Variants in SYNE2 observed in about 807,000 individuals in gnomAD.
The protein encoded by SYNE2 is spectrin repeat containing nuclear envelope protein 2, also known as nesprin-2.
Under a neutral mutation model 856.3 loss-of-function variants are expected in SYNE2, and 431 were observed. The ratio of observed to expected loss-of-function variants is 0.50; its 90% CI spans 0.47 to 0.55. SYNE2 has a LOEUF of 0.55. Ranked by LOEUF, SYNE2 falls within the 20% of genes least tolerant of loss-of-function variation. SYNE2 has a pLI of 0.00. For missense variants in SYNE2, 8,129 were observed against 8,023.2 expected, an observed-to-expected ratio of 1.01 and a Z score of -0.50; for synonymous variants, 2,923 against 2,872.3, an observed-to-expected ratio of 1.02 and a Z score of -0.56.
At chr14:63,936,798 G>A (rs1015491725) in intron 2 of SYNE2, among the ~76,000 whole-genome samples, 1 of 152,196 alleles carries the variant, frequency 6.6e-6, no homozygotes, top group African/African-American at 2.4e-5. Flanking sequence ...GGGCAAAGCT[G>A]GAGGGAAGAT....
At chr14:64,007,270 C>A in intron 31 of SYNE2, 48 bp downstream of exon 31, 1 of 1,566,910 alleles carries the variant, frequency 6.4e-7, no homozygotes, top group Non-Finnish European at 8.8e-7. Context: ...TTGTCTGTAG[C>A]ACAATTAACT....
intron 61 of SYNE2, among the ~76,000 whole-genome samples, chr14:64,095,349 T>C (rs1229134356): frequency 6.6e-6 from 1 of 152,218 alleles, no homozygotes; most frequent in African/African-American, 2.4e-5. Flanking sequence ...CCCATGTCAA[T>C]GAACTTTATA....
At chr14:64,160,389 G>T (rs771938637) in intron 87 of SYNE2, among the ~76,000 whole-genome samples, 3 of 152,178 alleles carry the variant, frequency 2.0e-5, no homozygotes, top group Non-Finnish European at 4.4e-5. Context: ...ACACTAAAAT[G>T]CTAATAGTAG....
chr14:64,025,029 G>A lies in SYNE2; in HGVS notation c.5958G>A (p.Lys1986=), dbSNP rs747338096. 2.5e-5 allele frequency: 41 copies of A among 1,613,964 alleles called. No individual in the cohort carries two copies. The Admixed American group carries it at 5.8e-4, about 23-fold the overall frequency. ...TELFCQALAR[K]REQFESVAQL... is the part of the protein sequence containing the mutation. ...TGTTCTGCCAAGCTTTAGCTAGAAA[G>A]AGGTATAGCTGATCTTGTATGAAAT... Residue 1986 remains lysine (K), a splice_region_variant and synonymous_variant, in exon 40 of 116, where the codon AAG becomes AAA. Coordinates refer to ENST00000555002, the MANE Select transcript of SYNE2 (RefSeq NM_182914.3).
In SYNE2 at chr14:64,189,650, T is replaced by C. The variant is rs530188841; in HGVS notation, c.17872-421T>C. On this transcript the variant is annotated intron_variant, in intron 98 of 115. Transcript: ENST00000555002. ...TTTGCCTGATGCGCGTTGCCTGACTTTTTAGCTGCTCACTGAAAAGTTAGC... is the reference window on the plus strand; with the variant it reads ...TTTGCCTGATGCGCGTTGCCTGACTCTTTAGCTGCTCACTGAAAAGTTAGC... Among the ~76,000 whole-genome samples the C allele has an allele frequency of 5.3e-5, 8 of 152,320 alleles. No homozygotes were observed. In the East Asian group the frequency reaches 1.5e-3, roughly 29 times the overall value.
In SYNE2 at chr14:63,785,075, A is replaced by G. The variant is rs1439011304; in HGVS notation, c.-305+23089A>G. On this transcript the variant is annotated intron_variant, in intron 1 of 23. Coordinates refer to the SYNE2 transcript ENST00000674003. ...CCCTCTTGTATTGATAAGTCCCACT[A>G]TTCACTATTCCTCAAATGTTTTATT... is the stretch of plus-strand genomic sequence containing the variant. Among the ~76,000 whole-genome samples the G allele has an allele frequency of 2.6e-5, 4 of 152,286 alleles. No homozygotes were observed. In the East Asian group the frequency reaches 5.8e-4, roughly 22 times the overall value.
At chr14:64,181,216 C>G (rs1459428334) in intron 96 of SYNE2, among the ~76,000 whole-genome samples, 3 of 152,086 alleles carry the variant, frequency 2.0e-5, no homozygotes, top group Non-Finnish European at 4.4e-5. Context: ...TCTAACATTT[C>G]ACTGTTAAAT....
chr14:64,140,123 T>C lies in SYNE2; in HGVS notation c.14976+50T>C, dbSNP rs1361450920. On this transcript the variant is annotated intron_variant, in intron 80 of 115. Transcript: ENST00000555002. ...GTTAATTACTGGTCAGAAATAAATA[T>C]CAAGGAAAAAGCATCAGGGTTGATG... The C allele has an allele frequency of 1.3e-5, 20 of 1,572,146 alleles. No individual in the cohort carries two copies. The Admixed American group carries it at 3.2e-4, about 25-fold the overall frequency.
chr14:64,182,611 C>G (rs1027329728), intron 96 of SYNE2, among the ~76,000 whole-genome samples: 1 of 152,138 alleles, frequency 6.6e-6, no homozygotes, highest in East Asian at 1.9e-4. Flanking sequence ...ATGCTGCCTT[C>G]AAGCATCTGT....
intron 1 of SYNE2, among the ~76,000 whole-genome samples, chr14:63,799,074 G>A (rs1888033042): frequency 6.6e-6 from 1 of 152,140 alleles, no homozygotes; most frequent in Non-Finnish European, 1.5e-5. Context: ...GGACAAATGT[G>A]CTTTGTTTTG....
chr14:64,173,486 T>C (rs2098420287), intron 94 of SYNE2, among the ~76,000 whole-genome samples: 1 of 152,230 alleles, frequency 6.6e-6, no homozygotes, highest in Admixed American at 6.5e-5. Flanking sequence ...TTCTCAGAAA[T>C]GCCTTTGTAA....
At chr14:63,762,592 TTTC>T (rs200127520) in intron 1 of SYNE2, among the ~76,000 whole-genome samples, 69,150 of 114,042 alleles carry the variant, frequency 0.61, 19,805 homozygotes, top group South Asian at 0.7. Flanking sequence ...TAATTTTTTC[TTTC>T]TTTTTTTTTT....
rs139211942 is a variant in SYNE2 at position 63,773,024 on chromosome 14, C to T, written c.-305+11038C>T. 2.2e-3 allele frequency among the ~76,000 whole-genome samples: 327 copies of T among 152,038 alleles called. 3 individuals are homozygous for T. Among genetic ancestry groups the T allele is most frequent in the East Asian group, 0.021 (107 of 5,116 alleles). On this transcript the variant is annotated intron_variant, in intron 1 of 23. Coordinates refer to the SYNE2 transcript ENST00000674003. ...AACTCCTGACCTCAGATGATCTGCA[C>T]GCCTCGGCCTCCGAAAGTGCTGGGA...
At chr14:63,915,710 C>T (rs1205332639) in intron 2 of SYNE2, among the ~76,000 whole-genome samples, 2 of 152,028 alleles carry the variant, frequency 1.3e-5, no homozygotes, top group African/African-American at 2.4e-5. Flanking sequence ...GTCTAGATGA[C>T]ATATTTTAAA....
At chr14:64,156,243 T>C (rs1239358878) in intron 85 of SYNE2, among the ~76,000 whole-genome samples, 1 of 152,170 alleles carries the variant, frequency 6.6e-6, no homozygotes, top group Non-Finnish European at 1.5e-5. Context: ...GTGCTAGAAG[T>C]TCCACCACCT....
chr14:64,097,135 A>G (rs1183626067), intron 61 of SYNE2, among the ~76,000 whole-genome samples: 2 of 152,186 alleles, frequency 1.3e-5, no homozygotes, highest in Non-Finnish European at 2.9e-5. Context: ...GCATCTGCAT[A>G]TCTGCCATGA....
At chr14:64,212,771 T>G (rs1596264592) in intron 104 of SYNE2, 40 bp from the exon 105 acceptor site, 2 of 1,597,116 alleles carry the variant, frequency 1.3e-6, no homozygotes, top group Non-Finnish European at 1.7e-6. Flanking sequence ...AAGCTCAGGG[T>G]AACTTTCTTT....
chr14:64,107,701 C>A (rs1331093291), intron 65 of SYNE2, 94 bp downstream of exon 65: 7 of 984,370 alleles, frequency 7.1e-6, no homozygotes, highest in Non-Finnish European at 1.2e-5. Context: ...CCTTGTACGT[C>A]AAGCTAAGTG....
upstream of SYNE2, among the ~76,000 whole-genome samples, chr14:63,850,916 T>C (rs908386173): frequency 2.6e-5 from 4 of 152,016 alleles, no homozygotes; most frequent in Non-Finnish European, 4.4e-5. Flanking sequence ...AAGAAAGCAA[T>C]AGACATAGAA....
Sources: gnomAD v4.1 joint callset for allele counts (sites outside exome capture counted in the v4.1 genomes callset) on GRCh38, gnomAD v4.1.1 for gene constraint, MANE v1.5 for transcripts, NCBI Gene and HGNC (gene_info 2026-07-23, HGNC 2026-07-21) for gene names.